The following CFAP91 variants were observed in gnomAD, a reference collection of about 807,000 sequenced individuals.
The protein encoded by CFAP91 is cilia- and flagella-associated protein 91.
A neutral mutation model predicts 95.9 loss-of-function variants in CFAP91; 85 were observed. The observed-to-expected ratio is 0.89, with a 90% CI of 0.74 to 1.06. The LOEUF (loss-of-function observed/expected upper bound fraction) is 1.06. CFAP91 is among the 50% of genes least tolerant of loss of function. The probability of loss-of-function intolerance (pLI) is 0.00; values close to 1 mark genes in which losing one functional copy is unlikely to be tolerated. For missense variants in CFAP91, 962 were observed against 943.4 expected, an observed-to-expected ratio of 1.02 and a Z score of -0.26; for synonymous variants, 335 against 327.5, an observed-to-expected ratio of 1.02 and a Z score of -0.25.
chr3:119,753,931 G>A (rs930117494), intron 17 of CFAP91, among the ~76,000 whole-genome samples: 1 of 152,106 alleles, frequency 6.6e-6, no homozygotes, highest in Non-Finnish European at 1.5e-5. Context: ...CAGAACTATG[G>A]GAAAATACAT....
intron 5 of CFAP91, chr3:119,715,330 A>G (rs565855406): frequency 1.4e-5 from 9 of 649,416 alleles, no homozygotes; most frequent in Admixed American, 2.3e-5. Flanking sequence ...CTGTGGGTCA[A>G]CCATGGTACT....
chr3:119,710,735 A>G (rs1340058213), intron 5 of CFAP91, among the ~76,000 whole-genome samples: 1 of 152,178 alleles, frequency 6.6e-6, no homozygotes, highest in Non-Finnish European at 1.5e-5. Context: ...TTATAACTTA[A>G]TAACCATCTA....
intron 17 of CFAP91, among the ~76,000 whole-genome samples, chr3:119,755,120 A>G (rs2054401559): frequency 6.6e-6 from 1 of 152,170 alleles, no homozygotes; most frequent in Non-Finnish European, 1.5e-5. Context: ...TTGCCTCAGG[A>G]CAAGTCATAT....
At chr3:119,764,260 A>G (rs2054591253) in intron 17 of CFAP91, among the ~76,000 whole-genome samples, 1 of 152,120 alleles carries the variant, frequency 6.6e-6, no homozygotes, top group African/African-American at 2.4e-5. Context: ...GCTCTTCAGG[A>G]CATTCATAAG....
intron 16 of CFAP91, chr3:119,750,674 G>T (rs572066973): frequency 2.5e-5 from 12 of 474,044 alleles, no homozygotes; most frequent in Non-Finnish European, 4.6e-5. Flanking sequence ...GGAGGATCTT[G>T]GACATGAGCT....
chr3:119,709,932 A>G, intron 5 of CFAP91, 37 bp downstream of exon 5: 1 of 1,476,640 alleles, frequency 6.8e-7, no homozygotes, highest in Non-Finnish European at 9.4e-7. Context: ...TTTTCAGTTT[A>G]TTTATTGTTT....
intron 6 of CFAP91, among the ~76,000 whole-genome samples, chr3:119,716,119 G>A (rs916936455): frequency 2.0e-5 from 3 of 152,148 alleles, no homozygotes; most frequent in African/African-American, 7.2e-5. Flanking sequence ...TCCTATGTAT[G>A]TCATATTATC....
intron 16 of CFAP91, among the ~76,000 whole-genome samples, chr3:119,750,032 T>C (rs569482234): frequency 6.6e-6 from 1 of 152,230 alleles, no homozygotes; most frequent in South Asian, 2.1e-4. Flanking sequence ...GACTTGCAAA[T>C]TTGAACCATG....
intron 1 of CFAP91, among the ~76,000 whole-genome samples, chr3:119,703,909 C>T (rs2053309239): frequency 6.6e-6 from 1 of 152,110 alleles, no homozygotes; most frequent in Non-Finnish European, 1.5e-5. Context: ...ATTGAATTTG[C>T]CGTGGCAAGA....
intron 5 of CFAP91, among the ~76,000 whole-genome samples, chr3:119,713,847 G>A (rs1382711523): frequency 2.0e-5 from 3 of 151,762 alleles, no homozygotes; most frequent in African/African-American, 7.3e-5. Context: ...AATGAATCAT[G>A]GATATTTTTG....
At chr3:119,718,310 A>G (rs909188292) in intron 6 of CFAP91, among the ~76,000 whole-genome samples, 2 of 152,198 alleles carry the variant, frequency 1.3e-5, no homozygotes, top group Non-Finnish European at 2.9e-5. Context: ...GGAAAACTAT[A>G]ACGTTTGAAA....
chr3:119,744,147 G>A lies in CFAP91; in HGVS notation c.1853G>A (p.Arg618His), dbSNP rs766630522. ...RVREAEESGR[R>H]QVEKQRLREE... The stretch of plus-strand genomic sequence containing the variant: ...CGAGAGGCTGAAGAGAGTGGTCGGC[G>A]CCAGGTGGAAAAACAGCGCCTGCGG... Residue 618 changes from arginine (R) to histidine (H), a missense_variant, in exon 14 of 18, where the codon CGC (arginine) becomes CAC (histidine). Transcript: ENST00000273390. The A allele has an allele frequency of 1.9e-6, 3 of 1,613,838 alleles. No homozygotes were observed. The highest frequency in any genetic ancestry group is 1.7e-5 in the Admixed American group (1 of 60,020).
intron 15 of CFAP91, 127 bp from the exon 16 acceptor site, chr3:119,747,684 G>A (rs2054249902): frequency 2.6e-6 from 2 of 774,998 alleles, no homozygotes; most frequent in Non-Finnish European, 4.0e-6. Context: ...TGATATTTCA[G>A]ATCACTTAAT....
chr3:119,750,413 ATTTG>A, intron 16 of CFAP91: 1 of 158,354 alleles, frequency 6.3e-6, no homozygotes, highest in South Asian at 1.8e-4. Context: ...TATTCTTAGA[ATTTG>A]GAGCTAGGAC....
Position 119,739,313 on chromosome 3 carries a change from T to A in CFAP91, c.1520T>A (p.Val507Asp), listed in dbSNP as rs749769509. Residue 507 changes from valine (V) to aspartate (D), a missense_variant, in exon 12 of 18, where the codon GTC becomes GAC. Physicochemically the swap from Val to Asp is radical, Grantham distance 152. Coordinates refer to ENST00000273390, the MANE Select transcript of CFAP91 (RefSeq NM_033364.4). ...IYLQKLLRGR[V>D]VQNMMFEGKE... Reference sequence around the variant, plus strand: ...CTTCAAAAGTTACTCCGGGGCAGAGTCGTTCAGAACATGGTGTGTAGGTCC... The same window carrying A: ...CTTCAAAAGTTACTCCGGGGCAGAGACGTTCAGAACATGGTGTGTAGGTCC... The A allele has an allele frequency of 1.2e-6, 2 of 1,613,856 alleles. No individual in the cohort carries two copies. Among genetic ancestry groups the A allele is most frequent in the East Asian group, 4.5e-5 (2 of 44,876 alleles).
intron 17 of CFAP91, 137 bp from the exon 18 acceptor site, chr3:119,764,915 G>C (rs1257844312): frequency 6.6e-6 from 1 of 152,120 alleles, no homozygotes; most frequent in Non-Finnish European, 1.5e-5. Flanking sequence ...AGCAGAGCTG[G>C]GATATGTGTG....
Position 119,730,253 on chromosome 3 carries a change from G to A in CFAP91, c.894G>A (p.Glu298=). 1 of 1,614,082 alleles carries A rather than the reference G, an allele frequency of 6.2e-7. No homozygotes were observed. The highest frequency in any genetic ancestry group is 8.5e-7 in the Non-Finnish European group (1 of 1,179,980). The change falls in exon 8 of 18, where the codon GAG becomes GAA. Residue 298 remains glutamate, a synonymous_variant. Coordinates refer to ENST00000273390, the MANE Select transcript of CFAP91 (RefSeq NM_033364.4). ...LQEIRLEVLK[E]LLRKREENQN... Reference sequence around the variant, plus strand: ...AGATTCGCCTGGAAGTTCTAAAAGAGCTGTTGAGGAAGCGTGAAGAGAATC... The same window carrying A: ...AGATTCGCCTGGAAGTTCTAAAAGAACTGTTGAGGAAGCGTGAAGAGAATC...
intron 11 of CFAP91, among the ~76,000 whole-genome samples, 175 bp downstream of exon 11, chr3:119,737,657 T>C (rs1226493514): frequency 2.6e-5 from 4 of 152,154 alleles, no homozygotes; most frequent in Non-Finnish European, 5.9e-5. Context: ...ACAAACGAGA[T>C]GAAATGAAAT....
At chr3:119,723,915 T>C (rs1322558095) in intron 6 of CFAP91, among the ~76,000 whole-genome samples, 1 of 150,970 alleles carries the variant, frequency 6.6e-6, no homozygotes, top group African/African-American at 2.4e-5. Context: ...ATCCCAACAC[T>C]TTGGGAGGCT....
Sources: gnomAD v4.1 joint callset for allele counts (sites outside exome capture counted in the v4.1 genomes callset) on GRCh38, gnomAD v4.1.1 for gene constraint, MANE v1.5 for transcripts, NCBI Gene and HGNC (gene_info 2026-07-23, HGNC 2026-07-21) for gene names.